RRP12: variants seen among roughly 807,000 people sequenced by gnomAD.
RRP12 encodes ribosomal RNA processing 12 homolog, also known as RRP12-like protein.
RRP12 carries 78 observed loss-of-function variants against 157.3 expected under a neutral mutation model. The ratio of observed to expected loss-of-function variants is 0.50; its 90% CI spans 0.41 to 0.60. The LOEUF is 0.60. Among genes scored for constraint, RRP12 ranks in the 20% least tolerant of loss-of-function variants. The pLI, the probability that RRP12 is intolerant of heterozygous loss-of-function variation, is 0.00. For missense variants in RRP12, 1,521 were observed against 1,679.9 expected (o/e 0.91, Z 1.65); for synonymous variants, 726 against 670.9 (o/e 1.08, Z -1.27).
intron 25 of RRP12, among the ~76,000 whole-genome samples, chr10:97,368,030 CTTTT>C (rs34307529): frequency 1.7e-5 from 2 of 119,208 alleles, no homozygotes; most frequent in African/African-American, 3.4e-5. Context: ...CTGTGCCTGG[CTTTT>C]TTTTTTTTTT....
At chr10:97,382,598 C>G (rs549236844) in intron 10 of RRP12, among the ~76,000 whole-genome samples, 2 of 152,278 alleles carry the variant, frequency 1.3e-5, no homozygotes, top group African/African-American at 4.8e-5. Context: ...CCCAAGGCCA[C>G]CCAGCTTGGT....
At chr10:97,391,999 G>GA (rs1202399702) in intron 4 of RRP12, among the ~76,000 whole-genome samples, 1 of 42,622 alleles carries the variant, frequency 2.3e-5, no homozygotes, top group Non-Finnish European at 8.0e-5. Context: ...TTCATGTTGT[G>GA]GGTTTTTTTT....
At chr10:97,364,659 G>A (rs1438015872) in intron 29 of RRP12, among the ~76,000 whole-genome samples, 2 of 152,256 alleles carry the variant, frequency 1.3e-5, no homozygotes, top group South Asian at 2.1e-4. Context: ...GGAGACTGCA[G>A]TGAGTCGAGA....
At chr10:97,388,948 G>A (rs1844718472) in intron 6 of RRP12, among the ~76,000 whole-genome samples, 1 of 152,196 alleles carries the variant, frequency 6.6e-6, no homozygotes. Context: ...CAAACACTGT[G>A]TGTCCACCAA....
intron 18 of RRP12, 60 bp downstream of exon 18, chr10:97,372,986 T>C (rs376602243): frequency 6.5e-7 from 1 of 1,537,662 alleles, no homozygotes; most frequent in African/African-American, 1.4e-5. Flanking sequence ...TCTCGGCCTC[T>C]CTGACCCTGC....
chr10:97,389,823 C>T (rs1420945631), intron 6 of RRP12, among the ~76,000 whole-genome samples: 1 of 152,154 alleles, frequency 6.6e-6, no homozygotes, highest in Non-Finnish European at 1.5e-5. Context: ...AGCGATTCTC[C>T]TGCCTCAGCC....
chr10:97,392,089 A>G (rs1047710136), intron 4 of RRP12, among the ~76,000 whole-genome samples: 10 of 150,558 alleles, frequency 6.6e-5, no homozygotes, highest in Admixed American at 2.7e-4. Context: ...TGCAACCTCT[A>G]CCTCCCAAGT....
chr10:97,382,853 A>G (rs1052794750), intron 10 of RRP12, among the ~76,000 whole-genome samples: 23 of 151,562 alleles, frequency 1.5e-4, no homozygotes, highest in African/African-American at 2.4e-5. Context: ...CCTCCACCCC[A>G]GAGGTTCAAG....
At chr10:97,369,855 G>A (rs1169706597) in intron 24 of RRP12, among the ~76,000 whole-genome samples, 4 of 152,232 alleles carry the variant, frequency 2.6e-5, no homozygotes, top group Non-Finnish European at 5.9e-5. Flanking sequence ...TGGTTGCCAA[G>A]AGGCAGGACT....
chr10:97,401,148 G>T lies in RRP12; in HGVS notation c.84C>A (p.Pro28=), dbSNP rs767881362. The stretch of plus-strand genomic sequence containing the variant: ...CGGCCTGACGGTGGCGGCAGATGGC[G>T]GGGTTGCTGTCGCTGCTGTGGCCTT... ...WKKGHSSDSN[P]AICRHRQAAR... is the part of the protein sequence containing the mutation. Residue 28 remains proline (P), a synonymous_variant, in exon 1 of 34, where the codon CCC becomes CCA. Coordinates refer to ENST00000370992, the MANE Select transcript of RRP12 (RefSeq NM_015179.4). 1 of 1,614,074 alleles carries T rather than the reference G, an allele frequency of 6.2e-7. No homozygotes were observed. The highest frequency in any genetic ancestry group is 1.7e-5 in the Admixed American group (1 of 59,986).
At position 97,388,265 on chromosome 10, in the gene RRP12, G is replaced by A. The variant is rs1398992430; in HGVS notation, c.1004C>T (p.Thr335Ile). ...SCSETLLRVM[T>I]LSHVLVTACA... is the part of the protein sequence containing the mutation. ...GCCTGAGCTCACCACATGGCTCAAGGTCATGACCCTGAGGAGAGTCTCACT... is the reference window on the plus strand; with the variant it reads ...GCCTGAGCTCACCACATGGCTCAAGATCATGACCCTGAGGAGAGTCTCACT... Residue 335 changes from threonine (T) to isoleucine (I), a missense_variant, in exon 8 of 34, where the codon ACC (threonine) becomes ATC (isoleucine). Physicochemically the swap from Thr to Ile is moderately conservative, Grantham distance 89. Transcript: ENST00000370992. 3.7e-6 allele frequency: 6 copies of A among 1,613,914 alleles called. No individual in the cohort carries two copies. The highest frequency in any genetic ancestry group is 1.7e-4 in the Middle Eastern group (1 of 6,050).
At chr10:97,371,223 G>C in intron 20 of RRP12, 142 bp from the exon 21 acceptor site, 1 of 885,380 alleles carries the variant, frequency 1.1e-6, no homozygotes, top group Non-Finnish European at 1.7e-6. Flanking sequence ...AGTGGAATGT[G>C]GACAGCGAGT....
At position 97,367,195 on chromosome 10, in the gene RRP12, C is replaced by A. The variant is rs934477372; in HGVS notation, c.2956-63G>T. 5 of 1,403,064 alleles carry A rather than the reference C, an allele frequency of 3.6e-6. No homozygotes were observed. In the African/African-American group the frequency reaches 7.0e-5, roughly 20 times the overall value. 86.9% of individuals were successfully genotyped at this position (1,403,064 alleles called of 1,614,324 possible). A position where few individuals can be genotyped will look rare whatever the true frequency, so the allele number is the denominator to read the frequency against. On this transcript the variant is annotated intron_variant, in intron 25 of 33. Transcript: ENST00000370992. ...CTTCCATGCTGCGCCCCCTTTACTG[C>A]TGTCCAGCCCAGGGACGCAGCATGA...
At chr10:97,394,716 AT>A (rs1208799376) in intron 3 of RRP12, among the ~76,000 whole-genome samples, 1 of 152,184 alleles carries the variant, frequency 6.6e-6, no homozygotes, top group African/African-American at 2.4e-5. Flanking sequence ...CATCTAATTT[AT>A]TTCATTATTC....
chr10:97,373,968 C>G, intron 15 of RRP12, 74 bp from the exon 16 acceptor site: 1 of 1,285,594 alleles, frequency 7.8e-7, no homozygotes, highest in Non-Finnish European at 1.1e-6. Flanking sequence ...CAAACCAAAC[C>G]AAAAGCCCAA....
At chr10:97,370,642 G>T in intron 22 of RRP12, 74 bp downstream of exon 22, 2 of 1,584,830 alleles carry the variant, frequency 1.3e-6, no homozygotes, top group Non-Finnish European at 1.7e-6. Flanking sequence ...TCCCATCACT[G>T]CCCTCCCTGG....
chr10:97,381,686 C>T (rs1415400694), intron 11 of RRP12, 29 bp downstream of exon 11: 1 of 1,581,494 alleles, frequency 6.3e-7, no homozygotes, highest in Non-Finnish European at 8.7e-7. Flanking sequence ...CCCCTGTGCT[C>T]TCTGCTTCCT....
At chr10:97,380,597 G>A (rs1365529185) in intron 13 of RRP12, among the ~76,000 whole-genome samples, 1 of 152,170 alleles carries the variant, frequency 6.6e-6, no homozygotes, top group East Asian at 1.9e-4. Context: ...GAGCAGGTGG[G>A]GGGACTGCCA....
Position 97,401,232 on chromosome 10 carries a change from G to A in RRP12, c.-1C>T. The A allele has an allele frequency of 1.2e-6, 2 of 1,614,170 alleles. No homozygotes were observed. Among genetic ancestry groups the A allele is most frequent in the Non-Finnish European group, 1.7e-6 (2 of 1,180,022 alleles). On this transcript the variant is annotated 5_prime_UTR_variant, in exon 1 of 34. Transcript: ENST00000370992. Reference sequence around the variant, plus strand: ...AAGGCAACTTTCCCGAGCGACCCATGTTGACTAAGCCGTGGCGAGGAATGA... The same window carrying A: ...AAGGCAACTTTCCCGAGCGACCCATATTGACTAAGCCGTGGCGAGGAATGA...
Sources: gnomAD v4.1 joint callset for allele counts (sites outside exome capture counted in the v4.1 genomes callset) on GRCh38, gnomAD v4.1.1 for gene constraint, MANE v1.5 for transcripts, NCBI Gene and HGNC (gene_info 2026-07-23, HGNC 2026-07-21) for gene names.